Variants in CFAP20DC observed in about 807,000 individuals in gnomAD.
CFAP20DC encodes the protein CFAP20 domain containing, also known as protein CFAP20DC.
Under a neutral mutation model 101.7 loss-of-function variants are expected in CFAP20DC, and 84 were observed. The ratio of observed to expected loss-of-function variants is 0.83; its 90% CI spans 0.69 to 0.99. The LOEUF is 0.99. CFAP20DC is among the 50% of genes least tolerant of loss of function. The pLI is 0.00. For missense variants in CFAP20DC, 1,007 were observed against 970.3 expected (o/e 1.04, Z -0.50); for synonymous variants, 359 against 351.2 (o/e 1.02, Z -0.25).
chr3:58,814,391 G>C (rs1217086243), intron 14 of CFAP20DC, among the ~76,000 whole-genome samples: 4 of 151,602 alleles, frequency 2.6e-5, no homozygotes, highest in Admixed American at 2.6e-4. Flanking sequence ...CAAACCCACA[G>C]CCAGTATCAT....
chr3:58,983,530 C>G (rs938585540), intron 4 of CFAP20DC, among the ~76,000 whole-genome samples: 1 of 151,968 alleles, frequency 6.6e-6, no homozygotes, highest in Non-Finnish European at 1.5e-5. Context: ...AAAATCAGAG[C>G]AAAACACTCT....
rs1254903644 is a variant in CFAP20DC at position 58,855,058 on chromosome 3, A to C, written c.1594-5649T>G. ...ATCAGAGTGAACAGGCAACCTACAA[A>C]ATGGGAGAAAATTTTCGCAACCTAC... On this transcript the variant is annotated intron_variant, in intron 12 of 16. Transcript: ENST00000482387. 4.0e-5 allele frequency among the ~76,000 whole-genome samples: 6 copies of C among 148,592 alleles called. No individual in the cohort carries two copies. In the South Asian group the frequency reaches 6.6e-4, roughly 16 times the overall value.
intron 4 of CFAP20DC, among the ~76,000 whole-genome samples, chr3:59,031,932 G>A (rs2094003001): frequency 6.6e-6 from 1 of 152,116 alleles, no homozygotes; most frequent in African/African-American, 2.4e-5. Flanking sequence ...AACAGCTCTG[G>A]TCTGCAGCTC....
intron 13 of CFAP20DC, among the ~76,000 whole-genome samples, chr3:58,835,343 G>C (rs558349477): frequency 2.2e-4 from 34 of 152,294 alleles, no homozygotes; most frequent in African/African-American, 7.7e-4. Flanking sequence ...AGAAGTCTAA[G>C]GTGGCATTTG....
chr3:58,847,617 C>G (rs1400378565), intron 13 of CFAP20DC, among the ~76,000 whole-genome samples: 4 of 152,012 alleles, frequency 2.6e-5, no homozygotes, highest in Non-Finnish European at 5.9e-5. Context: ...GGCCATTCCT[C>G]AGGGATCTAG....
At chr3:58,829,419 A>C (rs529077773) in intron 14 of CFAP20DC, among the ~76,000 whole-genome samples, 3 of 152,086 alleles carry the variant, frequency 2.0e-5, no homozygotes, top group East Asian at 3.9e-4. Context: ...TTAAAGAGAA[A>C]GGCATGAGCT....
rs1193830253 is a variant in CFAP20DC, at chr3:58,971,100, C to A, written c.279-33338G>T. On this transcript the variant is annotated intron_variant, in intron 4 of 16. Transcript: ENST00000482387. The surrounding 1 kb of genome is among the most constrained non-coding windows in gnomAD (Gnocchi z 4.1). ...TTTAGGAGATATCAAGCACTGTAAC[C>A]TTTTGTTAATACACAGATGTAGGAC... 1.3e-5 allele frequency among the ~76,000 whole-genome samples: 2 copies of A among 152,106 alleles called. No individual in the cohort carries two copies. The highest frequency in any genetic ancestry group is 4.8e-5 in the African/African-American group (2 of 41,440).
chr3:58,867,192 C>A (rs1015036521), intron 10 of CFAP20DC, among the ~76,000 whole-genome samples: 2 of 152,130 alleles, frequency 1.3e-5, no homozygotes, highest in Admixed American at 1.3e-4. Flanking sequence ...AGGAATCTTA[C>A]ATTTTTGAGA....
At chr3:58,955,748 G>A (rs2090570352) in intron 4 of CFAP20DC, among the ~76,000 whole-genome samples, 1 of 151,784 alleles carries the variant, frequency 6.6e-6, no homozygotes, top group African/African-American at 2.4e-5. Flanking sequence ...CTAAGGGCAT[G>A]CTGGTATCAC....
chr3:58,907,433 G>T (rs887549067), intron 6 of CFAP20DC, among the ~76,000 whole-genome samples: 1 of 152,162 alleles, frequency 6.6e-6, no homozygotes, highest in Non-Finnish European at 1.5e-5. Flanking sequence ...GGAAGCAGGG[G>T]CTGCATCATC....
intron 16 of CFAP20DC, among the ~76,000 whole-genome samples, chr3:58,747,038 A>C (rs1328736499): frequency 6.6e-6 from 1 of 152,068 alleles, no homozygotes; most frequent in Non-Finnish European, 1.5e-5. Context: ...TTTTTCCTCA[A>C]AATGCTAAAT....
At chr3:58,872,914 T>A (rs1049383930) in intron 7 of CFAP20DC, among the ~76,000 whole-genome samples, 1 of 149,194 alleles carries the variant, frequency 6.7e-6, no homozygotes, top group African/African-American at 2.5e-5. Flanking sequence ...GAATTCCGGA[T>A]TCCTATTCTG....
chr3:58,796,698 T>TTCACAGA (rs1223636210), intron 15 of CFAP20DC, among the ~76,000 whole-genome samples: 1 of 152,118 alleles, frequency 6.6e-6, no homozygotes, highest in Non-Finnish European at 1.5e-5. Context: ...TTATTGTGTT[T>TTCACAGA]TGCTATATTG....
Position 59,001,705 on chromosome 3 carries a change from C to T in CFAP20DC, c.278+37852G>A, listed in dbSNP as rs1182103696. On this transcript the variant is annotated intron_variant, in intron 4 of 16. Transcript: ENST00000482387. The surrounding 1 kb of genome is among the most constrained non-coding windows in gnomAD (Gnocchi z 4.5). ...GGGTTACAGGTGTGAGCCACTGTGC[C>T]GGGATTACAGGTGTGAGCCACTGTG... Among the ~76,000 whole-genome samples, 3 of 152,186 alleles carry T rather than the reference C, an allele frequency of 2.0e-5. No individual in the cohort carries two copies. Among genetic ancestry groups the T allele is most frequent in the South Asian group, 4.2e-4 (2 of 4,814 alleles).
intron 13 of CFAP20DC, among the ~76,000 whole-genome samples, chr3:58,835,305 C>G (rs554240049): frequency 6.6e-6 from 1 of 152,066 alleles, no homozygotes; most frequent in Non-Finnish European, 1.5e-5. Context: ...TGTGACTAAC[C>G]GCCCAGTGGA....
chr3:58,746,150 A>T (rs1200831540), intron 16 of CFAP20DC, among the ~76,000 whole-genome samples: 1 of 152,212 alleles, frequency 6.6e-6, no homozygotes. Flanking sequence ...AGTTTTATAT[A>T]GAACATTAGG....
chr3:59,014,415 T>A lies in CFAP20DC; in HGVS notation c.278+25142A>T, dbSNP rs1170666615. ...ACTGGATAATGTTCTACTTTTTAAC[T>A]AAATATTAACTGAAACTTTATGATA... On this transcript the variant is annotated intron_variant, in intron 4 of 16. Coordinates refer to ENST00000482387, the MANE Select transcript of CFAP20DC (RefSeq NM_001394063.1). The surrounding 1 kb of genome is among the most constrained non-coding windows in gnomAD (Gnocchi z 4.9). 6.6e-6 allele frequency among the ~76,000 whole-genome samples: 1 copy of A among 152,218 alleles called. No homozygotes were observed. Among genetic ancestry groups the A allele is most frequent in the African/African-American group, 2.4e-5 (1 of 41,464 alleles).
intron 13 of CFAP20DC, among the ~76,000 whole-genome samples, chr3:58,838,675 C>T (rs1357998663): frequency 6.6e-6 from 1 of 152,082 alleles, no homozygotes; most frequent in Non-Finnish European, 1.5e-5. Flanking sequence ...AATATACTTC[C>T]ATACATTTTG....
intron 14 of CFAP20DC, among the ~76,000 whole-genome samples, chr3:58,827,705 C>T (rs1446549408): frequency 6.6e-6 from 1 of 152,156 alleles, no homozygotes; most frequent in Non-Finnish European, 1.5e-5. Flanking sequence ...CACGTGTTCC[C>T]ATAACTCGTT....
Sources: gnomAD v4.1 joint callset for allele counts (sites outside exome capture counted in the v4.1 genomes callset) on GRCh38, gnomAD v4.1.1 for gene constraint, Gnocchi (gnomAD v3.1) non-coding constraint, MANE v1.5 for transcripts, NCBI Gene and HGNC (gene_info 2026-07-23, HGNC 2026-07-21) for gene names.